Variants in ADGRB3 observed in about 807,000 individuals in gnomAD.
ADGRB3 encodes brain-specific angiogenesis inhibitor 3.
Under a neutral mutation model 193.4 loss-of-function variants are expected in ADGRB3, and 37 were observed. The observed-to-expected ratio is 0.19, with a 90% confidence interval of 0.15 to 0.25. ADGRB3 has a LOEUF of 0.25. ADGRB3 is among the 10% of genes least tolerant of loss of function. ADGRB3 has a pLI of 1.00. For missense variants in ADGRB3, 1,637 were observed against 1,852.9 expected, an observed-to-expected ratio of 0.88 and a Z score of 2.14; for synonymous variants, 690 against 644.2, an observed-to-expected ratio of 1.07 and a Z score of -1.08.
chr6:69,075,909 C>T, intron 16 of ADGRB3, 86 bp from the exon 17 acceptor site: 1 of 974,108 alleles, frequency 1.0e-6, no homozygotes, highest in Non-Finnish European at 1.6e-6. Context: ...AAGAAATCTT[C>T]CATTCTGTTT....
chr6:68,652,265 T>G (rs1768384534), intron 3 of ADGRB3, among the ~76,000 whole-genome samples: 1 of 152,170 alleles, frequency 6.6e-6, no homozygotes, highest in African/African-American at 2.4e-5. Flanking sequence ...TCTCTGCTTT[T>G]GCTTAGCACA....
At chr6:68,691,197 CT>C (rs779497956) in intron 3 of ADGRB3, among the ~76,000 whole-genome samples, 9 of 152,004 alleles carry the variant, frequency 5.9e-5, no homozygotes, top group Non-Finnish European at 8.8e-5. Flanking sequence ...ACTGAATGTA[CT>C]TTATAGAGTA....
chr6:68,747,743 G>T (rs1435161008), intron 3 of ADGRB3, among the ~76,000 whole-genome samples: 2 of 152,142 alleles, frequency 1.3e-5, no homozygotes, highest in South Asian at 4.1e-4. Flanking sequence ...TTACCTAGTT[G>T]AGAGTTTTCT....
At chr6:68,987,395 A>G (rs1769110445) in intron 10 of ADGRB3, among the ~76,000 whole-genome samples, 2 of 152,126 alleles carry the variant, frequency 1.3e-5, no homozygotes, top group Non-Finnish European at 2.9e-5. Context: ...TACTACTCAA[A>G]TAATTTTCAA....
At chr6:69,203,869 T>C (rs1203667409) in intron 17 of ADGRB3, among the ~76,000 whole-genome samples, 6 of 152,192 alleles carry the variant, frequency 3.9e-5, no homozygotes, top group Non-Finnish European at 8.8e-5. Flanking sequence ...TCTGCTCTTA[T>C]GTACAGAAGC....
intron 17 of ADGRB3, among the ~76,000 whole-genome samples, chr6:69,088,683 T>G (rs1368097906): frequency 6.6e-6 from 1 of 152,244 alleles, no homozygotes; most frequent in Non-Finnish European, 1.5e-5. Context: ...CAATCTTATG[T>G]GTTTCTGAAA....
At chr6:68,694,415 C>A (rs1016591965) in intron 3 of ADGRB3, among the ~76,000 whole-genome samples, 1 of 151,948 alleles carries the variant, frequency 6.6e-6, no homozygotes, top group Non-Finnish European at 1.5e-5. Flanking sequence ...CCACCCCCAC[C>A]ACTATACTGA....
At chr6:69,151,095 C>T (rs1305846915) in intron 17 of ADGRB3, among the ~76,000 whole-genome samples, 1 of 152,188 alleles carries the variant, frequency 6.6e-6, no homozygotes, top group Non-Finnish European at 1.5e-5. Flanking sequence ...TGCAAGTACT[C>T]CTTAGTAGCC....
chr6:68,854,477 TATC>T (rs1287781969), intron 3 of ADGRB3, among the ~76,000 whole-genome samples: 7 of 152,156 alleles, frequency 4.6e-5, no homozygotes, highest in Non-Finnish European at 7.3e-5. Flanking sequence ...TACTTTCAAA[TATC>T]ATGTAATACA....
intron 20 of ADGRB3, among the ~76,000 whole-genome samples, chr6:69,319,988 G>A (rs1198305546): frequency 6.6e-6 from 1 of 151,108 alleles, no homozygotes; most frequent in South Asian, 2.1e-4. Flanking sequence ...CTAGTTTGTT[G>A]TCCTCTTGCT....
chr6:68,837,493 A>G (rs1442852364), intron 3 of ADGRB3, among the ~76,000 whole-genome samples: 1 of 152,210 alleles, frequency 6.6e-6, no homozygotes, highest in Non-Finnish European at 1.5e-5. Context: ...CATTTGTATG[A>G]TATAACATAG....
At chr6:68,738,880 A>G (rs114814383) in intron 3 of ADGRB3, among the ~76,000 whole-genome samples, 93 of 152,292 alleles carry the variant, frequency 6.1e-4, no homozygotes, top group African/African-American at 1.9e-3. Context: ...TCTTACCAAG[A>G]AAGTGATTGT....
intron 13 of ADGRB3, among the ~76,000 whole-genome samples, chr6:69,021,524 T>C (rs1562125042): frequency 6.6e-6 from 1 of 151,928 alleles, no homozygotes; most frequent in Non-Finnish European, 1.5e-5. Flanking sequence ...GGCACATGTA[T>C]AGCAAATAGA....
At chr6:69,183,299 A>T (rs1241001799) in intron 17 of ADGRB3, among the ~76,000 whole-genome samples, 2 of 152,146 alleles carry the variant, frequency 1.3e-5, no homozygotes, top group Non-Finnish European at 2.9e-5. Context: ...TACTTCAATG[A>T]CTTAAAATTG....
At chr6:69,168,570 C>G (rs1775189626) in intron 17 of ADGRB3, among the ~76,000 whole-genome samples, 1 of 152,082 alleles carries the variant, frequency 6.6e-6, no homozygotes, top group African/African-American at 2.4e-5. Flanking sequence ...TTTATCCCCA[C>G]CAGTCCAACC....
chr6:69,041,459 TAC>T (rs1168069280), intron 13 of ADGRB3, among the ~76,000 whole-genome samples: 1 of 152,246 alleles, frequency 6.6e-6, no homozygotes, highest in African/African-American at 2.4e-5. Context: ...CTGTCTTTTA[TAC>T]ATAGTAGAAA....
chr6:69,186,866 G>A (rs1038215941), intron 17 of ADGRB3, among the ~76,000 whole-genome samples: 11 of 151,138 alleles, frequency 7.3e-5, no homozygotes, highest in African/African-American at 2.7e-4. Context: ...CAGTGCTTGG[G>A]CCTGGTAATA....
intron 3 of ADGRB3, among the ~76,000 whole-genome samples, chr6:68,781,196 A>G (rs914165470): frequency 6.6e-6 from 1 of 152,114 alleles, no homozygotes; most frequent in East Asian, 1.9e-4. Context: ...CATAATTTTC[A>G]CCATTTATAT....
At chr6:68,876,011 A>T (rs1019270417) in intron 3 of ADGRB3, among the ~76,000 whole-genome samples, 2 of 152,044 alleles carry the variant, frequency 1.3e-5, no homozygotes, top group Admixed American at 6.5e-5. Flanking sequence ...GTTACTTGGA[A>T]TATAAATATT....
Sources: gnomAD v4.1 joint callset for allele counts (sites outside exome capture counted in the v4.1 genomes callset) on GRCh38, gnomAD v4.1.1 for gene constraint, MANE v1.5 for transcripts, NCBI Gene and HGNC (gene_info 2026-07-23, HGNC 2026-07-21) for gene names.